The following ZFAT variants were observed in gnomAD, a reference collection of about 807,000 sequenced individuals.
The protein encoded by ZFAT is zinc finger and AT-hook domain containing, also known as zinc finger protein ZFAT.
ZFAT carries 64 observed loss-of-function variants against 117.7 expected under a neutral mutation model. That is an observed-to-expected ratio of 0.54 (90% CI 0.44 to 0.67). The LOEUF (loss-of-function observed/expected upper bound fraction) is 0.67. Ranked by LOEUF, ZFAT falls within the 30% of genes least tolerant of loss-of-function variation. The pLI is 0.00. For synonymous variants in ZFAT, 679 were observed against 615.0 expected (o/e 1.10, Z -1.54); for missense variants, 1,433 against 1,584.5 (o/e 0.90, Z 1.62).
chr8:134,694,434 C>T (rs1189543906), intron 1 of ZFAT, among the ~76,000 whole-genome samples: 2 of 152,204 alleles, frequency 1.3e-5, no homozygotes, highest in Non-Finnish European at 2.9e-5. Flanking sequence ...TAGTAAAATA[C>T]TAACACTCAG....
At chr8:134,799,795 C>A in the ZFAT span, among the ~76,000 whole-genome samples, 30 of 152,140 alleles carry the variant, frequency 2.0e-4, no homozygotes, top group Non-Finnish European at 3.1e-4. Context: ...TTGGCATCAT[C>A]TTTATTGCAA....
intron 2 of ZFAT, among the ~76,000 whole-genome samples, chr8:134,646,250 A>C (rs1366455693): frequency 6.6e-6 from 1 of 152,180 alleles, no homozygotes; most frequent in African/African-American, 2.4e-5. Flanking sequence ...GTGGAATTAA[A>C]TTAGAAATAA....
chr8:134,710,217 A>G (rs1240930459), intron 1 of ZFAT, among the ~76,000 whole-genome samples: 1 of 152,240 alleles, frequency 6.6e-6, no homozygotes, highest in Non-Finnish European at 1.5e-5. Context: ...ACGTTTATCA[A>G]AATGGAGTCA....
intron 13 of ZFAT, among the ~76,000 whole-genome samples, chr8:134,520,571 C>T (rs550044636): frequency 2.0e-5 from 3 of 152,114 alleles, no homozygotes; most frequent in African/African-American, 7.2e-5. Context: ...TCCTTGCCTT[C>T]CATTCTTTCA....
chr8:134,566,514 A>G (rs865831789), intron 10 of ZFAT, among the ~76,000 whole-genome samples: 6 of 152,222 alleles, frequency 3.9e-5, no homozygotes, highest in African/African-American at 1.2e-4. Flanking sequence ...TAGCATAAAT[A>G]AAACCTCAAC....
the ZFAT span, among the ~76,000 whole-genome samples, chr8:134,789,676 T>G: frequency 1.3e-5 from 2 of 152,178 alleles, no homozygotes; most frequent in Non-Finnish European, 2.9e-5. Context: ...GGGGCCCTAC[T>G]GATCTTGTGG....
chr8:134,633,033 C>G (rs1446630330), intron 3 of ZFAT, among the ~76,000 whole-genome samples: 2 of 152,018 alleles, frequency 1.3e-5, no homozygotes, highest in East Asian at 3.9e-4. Flanking sequence ...ATAATTGATA[C>G]GCACATTCTA....
At chr8:134,755,817 C>CAAAAAAAAAAAAAAA in the ZFAT span, among the ~76,000 whole-genome samples, 2 of 90,014 alleles carry the variant, frequency 2.2e-5, no homozygotes, top group African/African-American at 4.2e-5. Context: ...GACTCCATCT[C>CAAAAAAAAAAAAAAA]AAAAAAAAAA....
the ZFAT span, among the ~76,000 whole-genome samples, chr8:134,729,718 C>A: frequency 2.0e-5 from 3 of 152,082 alleles, no homozygotes; most frequent in Non-Finnish European, 4.4e-5. Flanking sequence ...ATAAGCAATG[C>A]CTCTGAAGCT....
intron 11 of ZFAT, among the ~76,000 whole-genome samples, chr8:134,551,838 C>T (rs1043654461): frequency 2.6e-5 from 4 of 152,140 alleles, no homozygotes; most frequent in Non-Finnish European, 5.9e-5. Flanking sequence ...ACAACCATTT[C>T]CCTTTCACAC....
chr8:134,691,378 C>CG (rs1218151787), intron 1 of ZFAT, among the ~76,000 whole-genome samples: 2 of 152,116 alleles, frequency 1.3e-5, no homozygotes, highest in African/African-American at 4.8e-5. Context: ...GGCCAGTCTC[C>CG]GCTGCAGCGG....
intron 1 of ZFAT, among the ~76,000 whole-genome samples, chr8:134,702,111 GT>G (rs1834024895): frequency 6.6e-6 from 1 of 152,168 alleles, no homozygotes; most frequent in Non-Finnish European, 1.5e-5. Context: ...TCTTCAAAAA[GT>G]ACCCACCCAG....
intron 15 of ZFAT, among the ~76,000 whole-genome samples, chr8:134,489,995 G>A (rs189371366): frequency 2.6e-4 from 40 of 152,234 alleles, no homozygotes; most frequent in South Asian, 8.3e-4. Context: ...AAAGCATTGC[G>A]GGATCTGTCA....
chr8:134,490,627 G>T (rs1333218234), intron 15 of ZFAT, among the ~76,000 whole-genome samples: 1 of 152,344 alleles, frequency 6.6e-6, no homozygotes, highest in East Asian at 1.9e-4. Flanking sequence ...GCGGGCTGCT[G>T]TCTGGAATTG....
At chr8:134,510,082 C>A (rs557826130) in intron 14 of ZFAT, 27 of 465,264 alleles carry the variant, frequency 5.8e-5, no homozygotes, top group African/African-American at 3.9e-4. Flanking sequence ...TCCTAACATG[C>A]GGACATGTGG....
chr8:134,772,450 A>C, the ZFAT span, among the ~76,000 whole-genome samples: 2 of 152,214 alleles, frequency 1.3e-5, no homozygotes, highest in Non-Finnish European at 2.9e-5. Flanking sequence ...ATATCCGCTT[A>C]AGCCAAAGTC....
chr8:134,778,509 G>A, the ZFAT span, among the ~76,000 whole-genome samples: 2 of 152,150 alleles, frequency 1.3e-5, no homozygotes, highest in African/African-American at 2.4e-5. Flanking sequence ...CCATCTGCTC[G>A]TCAGTCTATC....
At chr8:134,717,053 A>G (rs1047979071), upstream of ZFAT, among the ~76,000 whole-genome samples, 6 of 152,324 alleles carry the variant, frequency 3.9e-5, no homozygotes, top group East Asian at 7.7e-4. Flanking sequence ...GGGGGGTTCA[A>G]TAATTTATGT....
intron 1 of ZFAT, among the ~76,000 whole-genome samples, chr8:134,679,191 C>T (rs908023129): frequency 9.2e-5 from 14 of 152,040 alleles, no homozygotes; most frequent in African/African-American, 2.9e-4. Flanking sequence ...TCTATCCATC[C>T]GAAAAAGCGC....
Sources: gnomAD v4.1 joint callset for allele counts (sites outside exome capture counted in the v4.1 genomes callset) on GRCh38, gnomAD v4.1.1 for gene constraint, MANE v1.5 for transcripts, NCBI Gene and HGNC (gene_info 2026-07-23, HGNC 2026-07-21) for gene names.